The following DHCR24 variants were observed in gnomAD, a reference collection of about 807,000 sequenced individuals.
The protein encoded by DHCR24 is 24-dehydrocholesterol reductase.
A neutral mutation model predicts 61.2 loss-of-function variants in DHCR24; 28 were observed. The ratio of observed to expected loss-of-function variants is 0.46; its 90% CI spans 0.34 to 0.63. The LOEUF (loss-of-function observed/expected upper bound fraction) is 0.63. Ranked by LOEUF, DHCR24 falls within the 20% of genes least tolerant of loss-of-function variation. The pLI, the probability that DHCR24 is intolerant of heterozygous loss-of-function variation, is 0.01. For missense variants in DHCR24, 538 were observed against 679.1 expected (o/e 0.79, Z 2.31); for synonymous variants, 261 against 275.9 (o/e 0.95, Z 0.54).
chr1:54,886,177 G>C (rs1193842639), intron 1 of DHCR24, among the ~76,000 whole-genome samples: 2 of 152,164 alleles, frequency 1.3e-5, no homozygotes, highest in Non-Finnish European at 1.5e-5. Context: ...TGGATGCAGA[G>C]GAGGCTCCAC....
At chr1:54,875,268 G>T in intron 3 of DHCR24, 57 bp from the exon 4 acceptor site, 1 of 1,551,826 alleles carries the variant, frequency 6.4e-7, no homozygotes. Context: ...AGGGTTGGGG[G>T]TGGGTTGGAG....
chr1:54,864,126 G>A (rs1159656501), intron 6 of DHCR24, among the ~76,000 whole-genome samples: 3 of 152,206 alleles, frequency 2.0e-5, no homozygotes, highest in Non-Finnish European at 2.9e-5. Flanking sequence ...CACAGCCTCA[G>A]TGGAAAAGAG....
intron 2 of DHCR24, among the ~76,000 whole-genome samples, chr1:54,879,322 G>GAAAAAAA (rs58945175): frequency 4.7e-4 from 51 of 108,494 alleles, no homozygotes; most frequent in Admixed American, 8.8e-4. Context: ...GACTCCATCT[G>GAAAAAAA]AAAAAAAAAA....
rs776065385 is a variant in DHCR24 at position 54,887,068 on chromosome 1, C to T, written c.52G>A (p.Val18Met). 2.5e-6 allele frequency: 4 copies of T among 1,610,530 alleles called. No homozygotes were observed. The highest frequency in any genetic ancestry group is 3.4e-6 in the Non-Finnish European group (4 of 1,178,562). ...ACGAACTCCAGCCCCTTCAGGCGCA[C>T]CCACAGCAGGAAGAGCAGCGCGCAC... is the stretch of plus-strand genomic sequence containing the variant. ...AVCALLFLLW[V>M]RLKGLEFVLI... The change falls in exon 1 of 9, where the codon GTG (valine) becomes ATG (methionine). Residue 18 changes from valine to methionine, a missense_variant. Physicochemically the swap from Val to Met is conservative, Grantham distance 21 (BLOSUM62 1). Coordinates refer to ENST00000371269, the MANE Select transcript of DHCR24 (RefSeq NM_014762.4).
chr1:54,875,982 C>A lies in DHCR24; in HGVS notation c.453G>T (p.Trp151Cys), dbSNP rs1305496631. 19 of 1,613,852 alleles carry A rather than the reference C, an allele frequency of 1.2e-5. No homozygotes were observed. The highest frequency in any genetic ancestry group is 1.6e-5 in the Non-Finnish European group (19 of 1,179,906). Residue 151 changes from tryptophan (W) to cysteine (C), a missense_variant, in exon 3 of 9, where the codon TGG becomes TGT. By Grantham distance (215) the Trp-to-Cys change is radical (BLOSUM62 -2). Coordinates refer to ENST00000371269, the MANE Select transcript of DHCR24 (RefSeq NM_014762.4). ...CAAGCTCAGGCAACACGGGGAGAGT[C>A]CAGCCAATGGAGGTCAGCAGGGCAG... ...QVTALLTSIGWTLPVLPELDD... is the reference protein window; with the variant it reads ...QVTALLTSIGCTLPVLPELDD...
chr1:54,874,998 G>C, intron 4 of DHCR24, 95 bp downstream of exon 4: 2 of 1,054,252 alleles, frequency 1.9e-6, no homozygotes, highest in Non-Finnish European at 3.0e-6. Flanking sequence ...ACAGGTACTG[G>C]GAATGAAGCA....
At position 54,865,156 on chromosome 1, in the gene DHCR24, G is replaced by A; in HGVS notation, c.1020+147C>T. ...TTGGTTCCTTCAGAAGGAAACGACT[G>A]TGTTGCTGCTTAAGAAGGCATTGCA... is the stretch of plus-strand genomic sequence containing the variant. On this transcript the variant is annotated intron_variant, in intron 6 of 8. Coordinates refer to ENST00000371269, the MANE Select transcript of DHCR24 (RefSeq NM_014762.4). 10 of 963,468 alleles carry A rather than the reference G, an allele frequency of 1.0e-5. No individual in the cohort carries two copies. In the South Asian group the frequency reaches 1.5e-4, roughly 15 times the overall value. 59.7% of individuals were successfully genotyped at this position (963,468 alleles called of 1,614,324 possible).
chr1:54,863,742 G>A (rs1360287646), intron 6 of DHCR24, among the ~76,000 whole-genome samples: 4 of 152,102 alleles, frequency 2.6e-5, no homozygotes, highest in Non-Finnish European at 2.9e-5. Flanking sequence ...ATCAAAGGAC[G>A]TTACCAAGAC....
intron 1 of DHCR24, chr1:54,886,494 C>A (rs1344212721): frequency 4.6e-6 from 4 of 873,216 alleles, no homozygotes; most frequent in Admixed American, 2.4e-5. Context: ...AGCATTTGCT[C>A]ACACCAGTCC....
At position 54,875,939 on chromosome 1, in the gene DHCR24, C is replaced by T. The variant is rs1381231405; in HGVS notation, c.493+3G>A. On this transcript the variant is annotated splice_donor_region_variant and intron_variant, in intron 3 of 8. Coordinates refer to ENST00000371269, the MANE Select transcript of DHCR24 (RefSeq NM_014762.4). ...TTCTTGCCCGTTAATATAGGGTCCT[C>T]ACCCACTGTGAGGTCATCAAGCTCA... 3 of 1,613,242 alleles carry T rather than the reference C, an allele frequency of 1.9e-6. No homozygotes were observed. Among genetic ancestry groups the T allele is most frequent in the Non-Finnish European group, 2.5e-6 (3 of 1,179,252 alleles).
In DHCR24 at chr1:54,851,388, G is replaced by A. The variant is rs1646874281; in HGVS notation, c.*845C>T. On this transcript the variant is annotated 3_prime_UTR_variant, in exon 9 of 9. Transcript: ENST00000371269. ...GAGGCCTGCAGGGTTGGTGAGCCAA[G>A]AAGAATGAGCCCAGGTCCCCTGGAT... 6.6e-6 allele frequency: 1 copy of A among 152,602 alleles called. No individual in the cohort carries two copies. Among genetic ancestry groups the A allele is most frequent in the Non-Finnish European group, 1.5e-5 (1 of 68,184 alleles). The allele number at this position is 152,602 out of a possible 1,614,324, so 9.5% of individuals were successfully genotyped here. A position where few individuals can be genotyped will look rare whatever the true frequency, so the allele number is the denominator to read the frequency against.
At chr1:54,866,077 C>G (rs1646966724) in intron 5 of DHCR24, among the ~76,000 whole-genome samples, 1 of 152,084 alleles carries the variant, frequency 6.6e-6, no homozygotes, top group African/African-American at 2.4e-5. Flanking sequence ...ATGGTCATGA[C>G]TCAATGTGCT....
chr1:54,855,608 G>A (rs1363137493), intron 6 of DHCR24, among the ~76,000 whole-genome samples: 1 of 152,090 alleles, frequency 6.6e-6, no homozygotes, highest in Non-Finnish European at 1.5e-5. Flanking sequence ...ATCAGACTAG[G>A]GGGCACGGTG....
chr1:54,856,970 T>C (rs1314275479), intron 6 of DHCR24, among the ~76,000 whole-genome samples: 2 of 152,232 alleles, frequency 1.3e-5, no homozygotes, highest in African/African-American at 4.8e-5. Context: ...GGAGTTCTGT[T>C]TTGCCTGTCT....
intron 5 of DHCR24, among the ~76,000 whole-genome samples, chr1:54,869,854 G>A (rs1420057107): frequency 3.3e-5 from 5 of 152,052 alleles, no homozygotes; most frequent in Non-Finnish European, 5.9e-5. Context: ...TCAGGAGTTC[G>A]AGACCAGCCT....
In DHCR24 at chr1:54,865,344, A is replaced by G; in HGVS notation, c.979T>C (p.Tyr327His). ...EGLEYIPLRHYYHRHTRSIFW... is the reference protein window; with the variant it reads ...EGLEYIPLRHHYHRHTRSIFW... ...ATGCTGCGCGTGTGGCGGTGGTAGT[A>G]GTGTCTCAAGGGAATGTACTCCAGG... Residue 327 changes from tyrosine to histidine, a missense_variant, in exon 6 of 9, where the codon TAC becomes CAC. Physicochemically the swap from Tyr to His is moderately conservative, Grantham distance 83 (BLOSUM62 2). Transcript: ENST00000371269. 1 of 1,613,924 alleles carries G rather than the reference A, an allele frequency of 6.2e-7. No individual in the cohort carries two copies.
intron 6 of DHCR24, among the ~76,000 whole-genome samples, chr1:54,858,838 G>A (rs559802808): frequency 1.4e-4 from 22 of 152,284 alleles, no homozygotes; most frequent in African/African-American, 5.3e-4. Flanking sequence ...GTTTCTCCAT[G>A]TTGGTCAGGC....
rs1646873540 is a variant in DHCR24, at chr1:54,851,218, C to T, written c.*1015G>A. On this transcript the variant is annotated 3_prime_UTR_variant, in exon 9 of 9. Transcript: ENST00000371269. ...TGGTTGGAGAAATCAAGTCGATGCT[C>T]TTTTCTTCCAGCCCCACGGTGAGAA... 1 of 152,508 alleles carries T rather than the reference C, an allele frequency of 6.6e-6. No individual in the cohort carries two copies. Among genetic ancestry groups the T allele is most frequent in the South Asian group, 2.1e-4 (1 of 4,824 alleles). The allele number at this position is 152,508 out of a possible 1,614,324, so 9.4% of individuals were successfully genotyped here.
At chr1:54,866,404 A>G (rs1237575593) in intron 5 of DHCR24, among the ~76,000 whole-genome samples, 1 of 149,940 alleles carries the variant, frequency 6.7e-6, no homozygotes, top group East Asian at 2.0e-4. Context: ...GCTGGAGTTC[A>G]GTGGCACGAT....
Sources: gnomAD v4.1 joint callset for allele counts (sites outside exome capture counted in the v4.1 genomes callset) on GRCh38, gnomAD v4.1.1 for gene constraint, MANE v1.5 for transcripts, NCBI Gene and HGNC (gene_info 2026-07-23, HGNC 2026-07-21) for gene names.